Variants in TRPM7 observed in about 807,000 individuals in gnomAD.
TRPM7 encodes the protein transient receptor potential cation channel subfamily M member 7, also known as LTRPC ion channel family member 7.
A neutral mutation model predicts 229.7 loss-of-function variants in TRPM7; 134 were observed. That is an observed-to-expected ratio of 0.58 (90% CI 0.51 to 0.67). TRPM7 has a LOEUF of 0.67. TRPM7 is among the 30% of genes least tolerant of loss of function. The pLI is 0.00. For missense variants in TRPM7, 1,901 were observed against 2,210.0 expected, an observed-to-expected ratio of 0.86 and a Z score of 2.80; for synonymous variants, 699 against 715.2, an observed-to-expected ratio of 0.98 and a Z score of 0.36.
At chr15:50,641,854 G>C (rs1431691483) in intron 5 of TRPM7, among the ~76,000 whole-genome samples, 7 of 152,016 alleles carry the variant, frequency 4.6e-5, no homozygotes, top group South Asian at 2.1e-4. Context: ...ACAAAACTTA[G>C]CCACGTGTGG....
chr15:50,588,041 A>T (rs893249652), intron 27 of TRPM7: 1 of 167,996 alleles, frequency 6.0e-6, no homozygotes, highest in Admixed American at 6.6e-5. Context: ...TCTCAGTCTA[A>T]ATATGCCATA....
At chr15:50,617,398 G>T (rs1353004172) in intron 13 of TRPM7, among the ~76,000 whole-genome samples, 1 of 151,110 alleles carries the variant, frequency 6.6e-6, no homozygotes, top group African/African-American at 2.4e-5. Flanking sequence ...AGCTACTCGG[G>T]AGGCTGAGGC....
At chr15:50,623,408 C>CA (rs71910502) in intron 12 of TRPM7, among the ~76,000 whole-genome samples, 1,217 of 119,024 alleles carry the variant, frequency 0.01, 12 homozygotes, top group African/African-American at 0.034. Context: ...GAGATTCTGT[C>CA]AAAAAAAAAA....
intron 1 of TRPM7, 21 bp from the exon 2 acceptor site, chr15:50,663,067 G>A: frequency 6.3e-7 from 1 of 1,576,852 alleles, no homozygotes. Context: ...ATGTTTTAAA[G>A]AATTGTTTAT....
Position 50,561,210 on chromosome 15 carries a change from C to T in TRPM7, c.*468G>A, listed in dbSNP as rs1026180490. 1.3e-5 allele frequency: 2 copies of T among 153,456 alleles called. No homozygotes were observed. The allele number at this position is 153,456 out of a possible 1,614,324, so 9.5% of individuals were successfully genotyped here. A position where few individuals can be genotyped will look rare whatever the true frequency, so the allele number is the denominator to read the frequency against. ...GCATCTAGTTGGGAACCAGTGATAT[C>T]ATCACTGAACACACTAAATACACTG... On this transcript the variant is annotated 3_prime_UTR_variant, in exon 39 of 39. Coordinates refer to ENST00000646667, the MANE Select transcript of TRPM7 (RefSeq NM_017672.6).
At chr15:50,568,008 G>A (rs576490250) in intron 38 of TRPM7, among the ~76,000 whole-genome samples, 8 of 150,922 alleles carry the variant, frequency 5.3e-5, no homozygotes, top group African/African-American at 1.9e-4. Flanking sequence ...GAACCCGGGA[G>A]GTGGAGCTTG....
At position 50,583,112 on chromosome 15, in the gene TRPM7, C is replaced by G; in HGVS notation, c.4534G>C (p.Asp1512His). ...ACCGGTATTAAAGCTGCTTTGGAAT[C>G]TACTTCATGAGTGTCTTCGGTAGAT... ...RPSTEDTHEV[D>H]SKAALIPDWL... Residue 1512 changes from aspartate to histidine, a missense_variant, in exon 29 of 39, where the codon GAT (aspartate) becomes CAT (histidine). Around this residue, in one of 8 missense-constraint regions of TRPM7, gnomAD observed 533 missense variants for 497.1 expected, o/e 1.07. Coordinates refer to ENST00000646667, the MANE Select transcript of TRPM7 (RefSeq NM_017672.6). 6.2e-7 allele frequency: 1 copy of G among 1,607,048 alleles called. No homozygotes were observed. Among genetic ancestry groups the G allele is most frequent in the Non-Finnish European group, 8.5e-7 (1 of 1,177,570 alleles).
At chr15:50,642,458 GGA>G (rs2140772307) in intron 5 of TRPM7, among the ~76,000 whole-genome samples, 1 of 152,238 alleles carries the variant, frequency 6.6e-6, no homozygotes, top group East Asian at 1.9e-4. Context: ...AGGTTTTACG[GGA>G]GAGACCAGGT....
At chr15:50,596,448 T>G in intron 22 of TRPM7, 67 bp from the exon 23 acceptor site, 1 of 1,168,518 alleles carries the variant, frequency 8.6e-7, no homozygotes, top group South Asian at 2.0e-5. Flanking sequence ...TAACTGCTAT[T>G]CATGAGTGTT....
intron 8 of TRPM7, among the ~76,000 whole-genome samples, chr15:50,633,935 G>C (rs890824720): frequency 6.6e-6 from 1 of 152,118 alleles, no homozygotes; most frequent in Non-Finnish European, 1.5e-5. Flanking sequence ...CCTTAACAAA[G>C]TATTGTATTA....
chr15:50,655,437 G>GAAAAAAAAAA (rs199686585), intron 3 of TRPM7, among the ~76,000 whole-genome samples: 1 of 89,358 alleles, frequency 1.1e-5, no homozygotes. Context: ...CATCTCAAAG[G>GAAAAAAAAAA]AAAAAAAAAA....
chr15:50,596,731 T>C (rs2059641867), intron 22 of TRPM7, among the ~76,000 whole-genome samples: 1 of 152,210 alleles, frequency 6.6e-6, no homozygotes, highest in Non-Finnish European at 1.5e-5. Context: ...TATGATAATA[T>C]TTCTGTAAGA....
chr15:50,626,225 ATT>A (rs1260104030), intron 11 of TRPM7, among the ~76,000 whole-genome samples: 1 of 151,970 alleles, frequency 6.6e-6, no homozygotes, highest in Non-Finnish European at 1.5e-5. Context: ...ATTATAAATC[ATT>A]TTTTCTGTCT....
Position 50,569,870 on chromosome 15 carries a change from A to T in TRPM7, c.5467+17T>A. On this transcript the variant is annotated intron_variant, in intron 38 of 38. Coordinates refer to ENST00000646667, the MANE Select transcript of TRPM7 (RefSeq NM_017672.6). ...TCGTAACAATTTATATACTATACTG[A>T]TTAAGAAATTTTTTACCTGGAAGTT... 1 of 1,564,132 alleles carries T rather than the reference A, an allele frequency of 6.4e-7. No individual in the cohort carries two copies. The highest frequency in any genetic ancestry group is 8.7e-7 in the Non-Finnish European group (1 of 1,143,266).
chr15:50,632,935 G>C lies in TRPM7; in HGVS notation c.1065C>G (p.Asn355Lys). Reference protein sequence around the residue: ...DIISTIKKTFNFGQNEALHLF... With the variant: ...DIISTIKKTFKFGQNEALHLF... The stretch of plus-strand genomic sequence containing the variant: ...AATGAAGTGCTTCATTCTGGCCAAA[G>C]TTAAATGTTTTTTTGATAGTGGAAA... Residue 355 changes from asparagine to lysine, a missense_variant, in exon 9 of 39, where the codon AAC becomes AAG. By Grantham distance (94) the Asn-to-Lys change is moderately conservative. Around this residue, in one of 8 missense-constraint regions of TRPM7, gnomAD observed 794 missense variants for 881.9 expected, o/e 0.90. Transcript: ENST00000646667. The C allele has an allele frequency of 6.2e-7, 1 of 1,606,402 alleles. No individual in the cohort carries two copies. The highest frequency in any genetic ancestry group is 8.5e-7 in the Non-Finnish European group (1 of 1,177,276).
chr15:50,599,341 C>A, intron 21 of TRPM7, 45 bp from the exon 22 acceptor site: 1 of 1,397,666 alleles, frequency 7.2e-7, no homozygotes, highest in Admixed American at 2.2e-5. Context: ...AGTTTAAACA[C>A]TATGACAAAT....
chr15:50,576,463 A>T (rs1287002695), intron 31 of TRPM7, among the ~76,000 whole-genome samples: 1 of 152,250 alleles, frequency 6.6e-6, no homozygotes, highest in Non-Finnish European at 1.5e-5. Context: ...CAGGAAAAGG[A>T]AGTTAGCCAA....
chr15:50,584,497 GAAGGT>G (rs1485027849), intron 28 of TRPM7, among the ~76,000 whole-genome samples: 2 of 152,112 alleles, frequency 1.3e-5, no homozygotes, highest in Non-Finnish European at 2.9e-5. Flanking sequence ...TTCTTTAGTG[GAAGGT>G]CAACAGATAC....
chr15:50,652,525 C>CA (rs71127103), intron 3 of TRPM7, among the ~76,000 whole-genome samples: 11,486 of 127,976 alleles, frequency 0.09, 545 homozygotes, highest in South Asian at 0.13. Flanking sequence ...GACTCTGTCT[C>CA]AAAAAAAAAA....
Sources: allele counts gnomAD v4.1 joint callset (sites outside exome capture counted in the v4.1 genomes callset), GRCh38; gene constraint gnomAD v4.1.1; regional missense constraint gnomAD v4.1.1; transcripts MANE v1.5; gene names NCBI Gene and HGNC (gene_info 2026-07-23, HGNC 2026-07-21).